The following MCC variants were observed in gnomAD, a reference collection of about 807,000 sequenced individuals.
MCC encodes the protein MCC regulator of Wnt signaling pathway.
In MCC, 90 loss-of-function variants were observed where a neutral mutation model predicts 116.2. The observed-to-expected ratio is 0.77, with a 90% confidence interval of 0.65 to 0.92. MCC has a LOEUF of 0.92. Ranked by LOEUF, MCC falls within the 40% of genes least tolerant of loss-of-function variation. MCC has a pLI of 0.00. For missense variants in MCC, 1,516 were observed against 1,312.2 expected (o/e 1.16, Z -2.40); for synonymous variants, 578 against 510.5 (o/e 1.13, Z -1.78).
intron 1 of MCC, among the ~76,000 whole-genome samples, chr5:113,465,220 T>C (rs1221979105): frequency 6.6e-6 from 1 of 151,124 alleles, no homozygotes; most frequent in East Asian, 1.9e-4. Context: ...AAAAGATCCA[T>C]AATGAGATGC....
chr5:113,431,691 T>G (rs887311548), intron 1 of MCC, among the ~76,000 whole-genome samples: 1 of 147,532 alleles, frequency 6.8e-6, no homozygotes, highest in Non-Finnish European at 1.5e-5. Flanking sequence ...ACCTTGAGGC[T>G]GTAGTTTAAA....
At chr5:113,245,008 T>C (rs1414132751) in intron 3 of MCC, among the ~76,000 whole-genome samples, 3 of 152,206 alleles carry the variant, frequency 2.0e-5, no homozygotes, top group Non-Finnish European at 4.4e-5. Flanking sequence ...TATTAAATCA[T>C]TCGGGTAGCT....
At chr5:113,422,410 C>A (rs1237449259) in intron 1 of MCC, among the ~76,000 whole-genome samples, 1 of 151,324 alleles carries the variant, frequency 6.6e-6, no homozygotes, top group Non-Finnish European at 1.5e-5. Flanking sequence ...TGTTTACAAG[C>A]TTCTATGATT....
At chr5:113,382,419 C>A (rs1010430828) in intron 2 of MCC, among the ~76,000 whole-genome samples, 1 of 151,980 alleles carries the variant, frequency 6.6e-6, no homozygotes, top group Non-Finnish European at 1.5e-5. Context: ...AACAGGCATG[C>A]ACCACTGCAC....
chr5:113,324,536 C>T (rs1318263338), intron 3 of MCC, among the ~76,000 whole-genome samples: 1 of 152,174 alleles, frequency 6.6e-6, no homozygotes, highest in African/African-American at 2.4e-5. Flanking sequence ...AATATACTGG[C>T]TAAACCTAAG....
chr5:113,049,934 T>A (rs1366479641), intron 15 of MCC, among the ~76,000 whole-genome samples: 1 of 152,144 alleles, frequency 6.6e-6, no homozygotes, highest in Non-Finnish European at 1.5e-5. Flanking sequence ...TCTAAAAGTA[T>A]CCTAAGAACT....
At chr5:113,081,389 G>T (rs1349164705) in intron 11 of MCC, among the ~76,000 whole-genome samples, 2 of 152,162 alleles carry the variant, frequency 1.3e-5, no homozygotes, top group Admixed American at 6.5e-5. Flanking sequence ...AGGATTAAGT[G>T]GCTGTCTGCG....
intron 1 of MCC, among the ~76,000 whole-genome samples, chr5:113,459,879 C>T (rs146326491): frequency 7.8e-4 from 117 of 150,034 alleles, no homozygotes; most frequent in African/African-American, 2.6e-3. Flanking sequence ...CATATGTGCA[C>T]ACCTTAGTTG....
intron 14 of MCC, among the ~76,000 whole-genome samples, chr5:113,058,399 G>A (rs1752984713): frequency 6.6e-6 from 1 of 152,158 alleles, no homozygotes. Context: ...ACATTCCGGG[G>A]CCTGCTGTCA....
At position 113,202,251 on chromosome 5, in the gene MCC, CAAAT is replaced by C. The variant is rs1455131574; in HGVS notation, c.628-50833_628-50830del. Reference sequence around the variant, plus strand: ...GGAAGGATGGGGAAGAAGCTCAAAACAAATAAAGCAATCCCGGGGTTGTGCTGGA... The same window carrying C: ...GGAAGGATGGGGAAGAAGCTCAAAACAAAGCAATCCCGGGGTTGTGCTGGA... On this transcript the variant is annotated intron_variant, in intron 3 of 18. Transcript: ENST00000408903. Among the ~76,000 whole-genome samples, 4 of 151,570 alleles carry C rather than the reference CAAAT, an allele frequency of 2.6e-5. No homozygotes were observed. In the East Asian group the frequency reaches 5.8e-4, roughly 22 times the overall value.
intron 4 of MCC, among the ~76,000 whole-genome samples, chr5:113,150,814 C>A (rs2150290975): frequency 6.6e-6 from 1 of 152,292 alleles, no homozygotes; most frequent in South Asian, 2.1e-4. Flanking sequence ...GTAATCCCAG[C>A]ACTTTAGAAG....
intron 3 of MCC, among the ~76,000 whole-genome samples, chr5:113,180,190 G>A (rs1420043841): frequency 3.3e-5 from 5 of 152,148 alleles, no homozygotes; most frequent in Middle Eastern, 3.4e-3. Flanking sequence ...TTATCGTCAC[G>A]TGTTTTTTTA....
rs944387988 is a variant in MCC, at chr5:113,023,696, G to A, written c.*3606C>T. The A allele has an allele frequency of 6.6e-6, 1 of 152,214 alleles. No homozygotes were observed. The highest frequency in any genetic ancestry group is 1.5e-5 in the Non-Finnish European group (1 of 68,016). The allele number at this position is 152,214 out of a possible 1,614,324, so 9.4% of individuals were successfully genotyped here. On this transcript the variant is annotated 3_prime_UTR_variant, in exon 19 of 19. Transcript: ENST00000408903. ...ACTCCCAATTAAGAATTTGCAAATT[G>A]TTTAAAGCCTTATGGAGGAAAGGAC...
chr5:113,195,900 T>C (rs1762381600), intron 3 of MCC, among the ~76,000 whole-genome samples: 1 of 152,154 alleles, frequency 6.6e-6, no homozygotes, highest in Non-Finnish European at 1.5e-5. Context: ...ATGTGGGTCA[T>C]GGTGGTCAAG....
At chr5:113,308,110 C>T (rs1441894115) in intron 3 of MCC, among the ~76,000 whole-genome samples, 1 of 152,054 alleles carries the variant, frequency 6.6e-6, no homozygotes, top group African/African-American at 2.4e-5. Context: ...ATAGCTGAGA[C>T]TACAGACGTG....
At chr5:113,393,620 C>T (rs1769455149) in intron 1 of MCC, among the ~76,000 whole-genome samples, 2 of 152,218 alleles carry the variant, frequency 1.3e-5, no homozygotes, top group South Asian at 2.1e-4. Flanking sequence ...TATAGTCCCA[C>T]TAGCAGTGTC....
chr5:113,288,432 G>A (rs1431609139), intron 3 of MCC, among the ~76,000 whole-genome samples: 1 of 150,700 alleles, frequency 6.6e-6, no homozygotes, highest in Non-Finnish European at 1.5e-5. Flanking sequence ...CTTCCTTGCA[G>A]TGAAAAAAAA....
chr5:113,325,210 A>G (rs1195018244), intron 3 of MCC, among the ~76,000 whole-genome samples: 1 of 152,146 alleles, frequency 6.6e-6, no homozygotes, highest in Non-Finnish European at 1.5e-5. Context: ...GTGTGATAAC[A>G]TTGGGAAAGA....
intron 1 of MCC, among the ~76,000 whole-genome samples, chr5:113,482,916 G>A (rs1037699762): frequency 6.6e-5 from 10 of 152,062 alleles, no homozygotes; most frequent in African/African-American, 2.4e-4. Flanking sequence ...ACATTTTGAG[G>A]TAATTTTTGT....
Sources: gnomAD v4.1 joint callset for allele counts (sites outside exome capture counted in the v4.1 genomes callset) on GRCh38, gnomAD v4.1.1 for gene constraint, MANE v1.5 for transcripts, NCBI Gene and HGNC (gene_info 2026-07-23, HGNC 2026-07-21) for gene names.